The following STRN4 variants were observed in gnomAD, a reference collection of about 807,000 sequenced individuals.
The protein encoded by STRN4 is striatin-4.
Under a neutral mutation model 77.9 loss-of-function variants are expected in STRN4, and 27 were observed. The ratio of observed to expected loss-of-function variants is 0.35; its 90% CI spans 0.26 to 0.48. The LOEUF is 0.48. STRN4 is among the 20% of genes least tolerant of loss of function. The probability of loss-of-function intolerance (pLI) is 0.99; values close to 1 mark genes in which losing one functional copy is unlikely to be tolerated. For missense variants in STRN4, 798 were observed against 1,049.7 expected (o/e 0.76, Z 3.31); for synonymous variants, 466 against 443.1 (o/e 1.05, Z -0.65).
At position 46,723,421 on chromosome 19, in the gene STRN4, C is replaced by T. The variant is rs1027037779; in HGVS notation, c.1595-137G>A. ...CGCACCCACTTCACACCTGGTGCCC[C>T]TCGGAACTGTCCACTGCCAGGACAG... On this transcript the variant is annotated intron_variant, in intron 12 of 17. Coordinates refer to ENST00000263280, the MANE Select transcript of STRN4 (RefSeq NM_013403.3). The surrounding 1 kb of genome is among the most constrained non-coding windows in gnomAD (Gnocchi z 5.5). 1.4e-5 allele frequency: 16 copies of T among 1,131,388 alleles called. No individual in the cohort carries two copies. The highest frequency in any genetic ancestry group is 2.0e-5 in the Non-Finnish European group (16 of 820,034). The allele number at this position is 1,131,388 out of a possible 1,614,324, so 70.1% of individuals were successfully genotyped here. A position where few individuals can be genotyped will look rare whatever the true frequency, so the allele number is the denominator to read the frequency against.
intron 9 of STRN4, among the ~76,000 whole-genome samples, chr19:46,726,682 G>T (rs930289922): frequency 6.6e-6 from 1 of 152,164 alleles, no homozygotes; most frequent in Non-Finnish European, 1.5e-5. Context: ...AGAGGGCCAG[G>T]TTCCGGAGAG....
At position 46,722,872 on chromosome 19, in the gene STRN4, G is replaced by T; in HGVS notation, c.1844C>A (p.Thr615Asn). ...GCCAACCTCCATGTCATACAAGACG[G>T]TGTCGCCAGAGCGGAAGGAGGCCAC... ...HIVASFRSGD[T>N]VLYDMEVGSA... Residue 615 changes from threonine (T) to asparagine (N), a missense_variant, in exon 14 of 18, where the codon ACC becomes AAC. Physicochemically the swap from Thr to Asn is moderately conservative, Grantham distance 65. Coordinates refer to ENST00000263280, the MANE Select transcript of STRN4 (RefSeq NM_013403.3). 6.2e-7 allele frequency: 1 copy of T among 1,614,038 alleles called. No homozygotes were observed. The highest frequency in any genetic ancestry group is 8.5e-7 in the Non-Finnish European group (1 of 1,180,050).
In STRN4 at chr19:46,746,427, T is replaced by G; in HGVS notation, c.4A>C (p.Met2Leu). The change falls in exon 1 of 18, where the codon ATG becomes CTG. Residue 2 changes from methionine (M) to leucine (L), a missense_variant. Physicochemically the swap from Met to Leu is conservative, Grantham distance 15. Around this residue, in one of 2 missense-constraint regions of STRN4, gnomAD observed 511 missense variants for 575.9 expected, o/e 0.89. Transcript: ENST00000263280. The part of the protein sequence containing the change: M[M>L]EERAAAAVAA... Reference sequence around the variant, plus strand: ...ACCGCGGCGGCCGCTCGCTCCTCCATCATGGAGGCCCCGGGGCCGGCCTGC... The same window carrying G: ...ACCGCGGCGGCCGCTCGCTCCTCCAGCATGGAGGCCCCGGGGCCGGCCTGC... 3 of 1,020,160 alleles carry G rather than the reference T, an allele frequency of 2.9e-6. No homozygotes were observed. Among genetic ancestry groups the G allele is most frequent in the East Asian group, 9.5e-5 (1 of 10,472 alleles). The allele number at this position is 1,020,160 out of a possible 1,614,324, so 63.2% of individuals were successfully genotyped here. A position where few individuals can be genotyped will look rare whatever the true frequency, so the allele number is the denominator to read the frequency against.
rs1240393626 is a variant in STRN4 at position 46,733,878 on chromosome 19, A to G, written c.540-642T>C. The G allele has an allele frequency of 6.6e-6, 1 of 152,238 alleles. No homozygotes were observed. The highest frequency in any genetic ancestry group is 2.4e-5 in the African/African-American group (1 of 41,446). 9.4% of individuals were successfully genotyped at this position (152,238 alleles called of 1,614,324 possible). ...AACTGAAGCCAGCTGGGACTGGACTAAAAGTAAAAAAAGAAGAAGGAAAAA... is the reference window on the plus strand; with the variant it reads ...AACTGAAGCCAGCTGGGACTGGACTGAAAGTAAAAAAAGAAGAAGGAAAAA... On this transcript the variant is annotated intron_variant, in intron 4 of 17. Transcript: ENST00000263280. This position sits in a 1 kb window ranked among gnomAD's most constrained non-coding sequence, Gnocchi z 4.3.
At chr19:46,727,783 G>A in intron 8 of STRN4, 111 bp downstream of exon 8, 1 of 1,028,538 alleles carries the variant, frequency 9.7e-7, no homozygotes, top group East Asian at 2.6e-5. Context: ...GGAGGCTGCA[G>A]ACTGGAGGCT....
chr19:46,720,749 G>A lies in STRN4; in HGVS notation c.2115C>T (p.Leu705=), dbSNP rs1489536859. Residue 705 remains leucine, a synonymous_variant, in exon 17 of 18, where the codon CTC becomes CTT. Coordinates refer to ENST00000263280, the MANE Select transcript of STRN4 (RefSeq NM_013403.3). ...MSGSHDCSLR[L]WSLDNKTCVQ... Reference sequence around the variant, plus strand: ...CGCACGTTTTGTTGTCCAGGCTCCAGAGACGCAGGGAGCAGTCATGGCCTG... The same window carrying A: ...CGCACGTTTTGTTGTCCAGGCTCCAAAGACGCAGGGAGCAGTCATGGCCTG... 6.2e-7 allele frequency: 1 copy of A among 1,601,120 alleles called. No homozygotes were observed. The highest frequency in any genetic ancestry group is 8.5e-7 in the Non-Finnish European group (1 of 1,172,422).
chr19:46,720,505 G>C, intron 17 of STRN4, 31 bp downstream of exon 17: 1 of 1,377,320 alleles, frequency 7.3e-7, no homozygotes, highest in Non-Finnish European at 9.5e-7. Flanking sequence ...TGGGCGTGCA[G>C]AGACTCAGAA....
At chr19:46,722,377 C>T (rs775869162) in intron 14 of STRN4, 37 bp from the exon 15 acceptor site, 3 of 1,595,678 alleles carry the variant, frequency 1.9e-6, no homozygotes, top group Non-Finnish European at 1.7e-6. Flanking sequence ...GGATGTCAAG[C>T]AGAAAATCAG....
In STRN4 at chr19:46,738,922, T is replaced by A; in HGVS notation, c.283-34A>T. On this transcript the variant is annotated intron_variant, in intron 1 of 17. Transcript: ENST00000263280. This position sits in a 1 kb window ranked among gnomAD's most constrained non-coding sequence, Gnocchi z 4.5. The stretch of plus-strand genomic sequence containing the variant: ...GCAGACAGGAGGCAAAGGGAGATAA[T>A]GGGGCTCAGGCTCAATGCCGGTGTG... The A allele has an allele frequency of 6.3e-7, 1 of 1,586,444 alleles. No homozygotes were observed. Among genetic ancestry groups the A allele is most frequent in the East Asian group, 2.2e-5 (1 of 44,742 alleles).
chr19:46,721,661 C>G (rs28417791), intron 16 of STRN4: 12,196 of 277,396 alleles, frequency 0.044, 1,163 homozygotes, highest in African/African-American at 0.22. Context: ...CGGGTACCCC[C>G]AGGTAGACCT....
rs117285360 is a variant in STRN4, at chr19:46,732,959, A to G, written c.737+80T>C. ...AGGGGCCGCCAGGGCACCCAGCGCC[A>G]TCAGCTGACACTCTGACCCTGGCCT... On this transcript the variant is annotated intron_variant, in intron 5 of 17. Coordinates refer to ENST00000263280, the MANE Select transcript of STRN4 (RefSeq NM_013403.3). 4.3e-3 allele frequency: 6,544 copies of G among 1,510,920 alleles called. 151 individuals carry two copies. The East Asian group carries it at 0.051, about 12-fold the overall frequency. The allele number at this position is 1,510,920 out of a possible 1,614,324, so 93.6% of individuals were successfully genotyped here.
At chr19:46,732,874 C>G (rs1460340337) in intron 5 of STRN4, among the ~76,000 whole-genome samples, 165 bp downstream of exon 5, 2 of 152,180 alleles carry the variant, frequency 1.3e-5, no homozygotes, top group African/African-American at 4.8e-5. Flanking sequence ...TCCGGGGGAT[C>G]CCAGCAGTGA....
intron 1 of STRN4, among the ~76,000 whole-genome samples, chr19:46,739,132 CT>C (rs774613029): frequency 6.6e-6 from 1 of 152,212 alleles, no homozygotes; most frequent in Non-Finnish European, 1.5e-5. Flanking sequence ...CCCTTAACCC[CT>C]GAGATAACAA....
chr19:46,723,397 G>GCA lies in STRN4; in HGVS notation c.1595-115_1595-114dup, dbSNP rs1298491681. ...AGGCAGCTGGGCTCCAATCACCCAC[G>GCA]CACCCACTTCACACCTGGTGCCCCT... On this transcript the variant is annotated intron_variant, in intron 12 of 17. Transcript: ENST00000263280. The surrounding 1 kb of genome is among the most constrained non-coding windows in gnomAD (Gnocchi z 5.5). 3 of 1,335,116 alleles carry GCA rather than the reference G, an allele frequency of 2.2e-6. No homozygotes were observed. The highest frequency in any genetic ancestry group is 3.0e-6 in the Non-Finnish European group (3 of 1,001,148). The allele number at this position is 1,335,116 out of a possible 1,614,324, so 82.7% of individuals were successfully genotyped here. A position where few individuals can be genotyped will look rare whatever the true frequency, so the allele number is the denominator to read the frequency against.
At chr19:46,728,330 T>C (rs1779968919) in intron 7 of STRN4, 1 of 575,580 alleles carries the variant, frequency 1.7e-6, no homozygotes, top group Non-Finnish European at 3.1e-6. Flanking sequence ...CCTCATCCTG[T>C]TCCCTCCTTG....
chr19:46,722,308 G>A lies in STRN4; in HGVS notation c.1939C>T (p.Pro647Ser). 1 of 1,614,172 alleles carries A rather than the reference G, an allele frequency of 6.2e-7. No homozygotes were observed. Among genetic ancestry groups the A allele is most frequent in the Non-Finnish European group, 8.5e-7 (1 of 1,180,016 alleles). The change falls in exon 15 of 18, where the codon CCA becomes TCA. Residue 647 changes from proline (P) to serine (S), a missense_variant. This residue lies in a region of STRN4 where 287 missense variants were observed against 473.8 expected (regional missense o/e 0.61). Coordinates refer to ENST00000263280, the MANE Select transcript of STRN4 (RefSeq NM_013403.3). ...PTQINQVVSH[P>S]NQPLTITAHD... is the part of the protein sequence containing the mutation. Reference sequence around the variant, plus strand: ...GCGGTGATGGTGAGAGGCTGGTTTGGATGACTCACCACTTGGTTGATCTGG... The same window carrying A: ...GCGGTGATGGTGAGAGGCTGGTTTGAATGACTCACCACTTGGTTGATCTGG...
chr19:46,746,417 C>T lies in STRN4; in HGVS notation c.14G>A (p.Arg5Gln). The T allele has an allele frequency of 1.9e-6, 2 of 1,037,754 alleles. No homozygotes were observed. The highest frequency in any genetic ancestry group is 8.9e-5 in the South Asian group (2 of 22,404). 64.3% of individuals were successfully genotyped at this position (1,037,754 alleles called of 1,614,324 possible). The change falls in exon 1 of 18, where the codon CGA becomes CAA. Residue 5 changes from arginine to glutamine, a missense_variant. By Grantham distance (43) the Arg-to-Gln change is conservative (BLOSUM62 1). Transcript: ENST00000263280. The part of the protein sequence containing the change: MMEE[R>Q]AAAAVAAAAS... ...GGCGGCGGCGACCGCGGCGGCCGCT[C>T]GCTCCTCCATCATGGAGGCCCCGGG...
At chr19:46,722,533 C>CT (rs35895334) in intron 14 of STRN4, among the ~76,000 whole-genome samples, 193 bp from the exon 15 acceptor site, 96,878 of 152,020 alleles carry the variant, frequency 0.64, 31,118 homozygotes, top group African/African-American at 0.73. Context: ...TGTTTTGGGG[C>CT]GGGGGAAGAG....
intron 5 of STRN4, chr19:46,732,706 C>T (rs1028447927): frequency 1.7e-5 from 5 of 290,852 alleles, no homozygotes; most frequent in Admixed American, 9.7e-5. Context: ...CTGAGGGTGG[C>T]GACCACGTGT....
Sources: gnomAD v4.1 joint callset for allele counts (sites outside exome capture counted in the v4.1 genomes callset) on GRCh38, gnomAD v4.1.1 for gene constraint, gnomAD v4.1.1 regional missense constraint, Gnocchi (gnomAD v3.1) non-coding constraint, MANE v1.5 for transcripts, NCBI Gene and HGNC (gene_info 2026-07-23, HGNC 2026-07-21) for gene names.